The following ZBTB20 variants were observed in gnomAD, a reference collection of about 807,000 sequenced individuals.
The protein encoded by ZBTB20 is zinc finger and BTB domain-containing protein 20.
ZBTB20 carries 9 observed loss-of-function variants against 56.9 expected under a neutral mutation model. The observed-to-expected ratio is 0.16, with a 90% CI of 0.10 to 0.28. The LOEUF (loss-of-function observed/expected upper bound fraction) is 0.28. Among genes scored for constraint, ZBTB20 ranks in the 10% least tolerant of loss-of-function variants. The pLI is 1.00. For synonymous variants in ZBTB20, 417 were observed against 420.7 expected (o/e 0.99, Z 0.11); for missense variants, 655 against 1,003.0 (o/e 0.65, Z 4.69).
intron 6 of ZBTB20, among the ~76,000 whole-genome samples, chr3:114,552,424 T>C (rs1250397378): frequency 6.7e-6 from 1 of 149,962 alleles, no homozygotes; most frequent in Non-Finnish European, 1.5e-5. Context: ...ACTTGACTCT[T>C]CCTGTTTTTT....
At chr3:114,733,298 A>G (rs923134120) in intron 5 of ZBTB20, among the ~76,000 whole-genome samples, 1 of 152,172 alleles carries the variant, frequency 6.6e-6, no homozygotes, top group African/African-American at 2.4e-5. Context: ...TAGTTCTCCA[A>G]TGCCTAAGCC....
At chr3:114,873,349 G>A (rs2107548685) in intron 4 of ZBTB20, among the ~76,000 whole-genome samples, 1 of 152,250 alleles carries the variant, frequency 6.6e-6, no homozygotes, top group Admixed American at 6.5e-5. Flanking sequence ...GTGAATGTGT[G>A]TAAAGTGGGT....
chr3:114,455,105 AGT>A (rs2091930134), intron 7 of ZBTB20, among the ~76,000 whole-genome samples: 1 of 149,698 alleles, frequency 6.7e-6, no homozygotes, highest in South Asian at 2.1e-4. Context: ...GGAGAGAGAG[AGT>A]GTGTGAGAAA....
intron 6 of ZBTB20, among the ~76,000 whole-genome samples, chr3:114,511,295 T>C (rs1435139479): frequency 6.6e-6 from 1 of 152,158 alleles, no homozygotes; most frequent in Non-Finnish European, 1.5e-5. Flanking sequence ...TGTAAGAAGC[T>C]TTCAAAAGAA....
chr3:114,682,301 G>A (rs557997480), intron 6 of ZBTB20, among the ~76,000 whole-genome samples: 59 of 152,234 alleles, frequency 3.9e-4, no homozygotes, highest in African/African-American at 1.3e-3. Flanking sequence ...ACTTCTAGAC[G>A]ATTGTGGGGA....
intron 6 of ZBTB20, among the ~76,000 whole-genome samples, chr3:114,691,716 T>C (rs2062708358): frequency 6.6e-6 from 1 of 152,068 alleles, no homozygotes; most frequent in South Asian, 2.1e-4. Context: ...GATAACATCA[T>C]GTTTTAAAAA....
At chr3:114,461,848 A>G (rs1445202915) in intron 7 of ZBTB20, among the ~76,000 whole-genome samples, 1 of 152,216 alleles carries the variant, frequency 6.6e-6, no homozygotes, top group African/African-American at 2.4e-5. Flanking sequence ...TCTAAAGCCT[A>G]GCTGAGAACA....
In ZBTB20 at chr3:114,583,443, C is replaced by T. The variant is rs1025538383; in HGVS notation, c.-294-83052G>A. 2.0e-5 allele frequency among the ~76,000 whole-genome samples: 3 copies of T among 151,524 alleles called. No individual in the cohort carries two copies. The East Asian group carries it at 5.8e-4, about 29-fold the overall frequency. On this transcript the variant is annotated intron_variant, in intron 6 of 11. Coordinates refer to ENST00000675478, the MANE Select transcript of ZBTB20 (RefSeq NM_001348800.3). Reference sequence around the variant, plus strand: ...TTTTGACTTAGTGTTTTGTTGAAACCAACAATTACAAGGACCAACTCAAAC... The same window carrying T: ...TTTTGACTTAGTGTTTTGTTGAAACTAACAATTACAAGGACCAACTCAAAC...
At chr3:114,870,929 C>T (rs1487463205) in intron 4 of ZBTB20, among the ~76,000 whole-genome samples, 1 of 152,026 alleles carries the variant, frequency 6.6e-6, no homozygotes, top group Non-Finnish European at 1.5e-5. Context: ...GAAATTTTGT[C>T]ACTTTTGAGT....
intron 6 of ZBTB20, among the ~76,000 whole-genome samples, chr3:114,664,315 C>T (rs189192538): frequency 6.6e-6 from 1 of 152,088 alleles, no homozygotes; most frequent in Non-Finnish European, 1.5e-5. Flanking sequence ...AAAATCACTA[C>T]TATACTTTAG....
rs142934747 is a variant in ZBTB20 at position 114,813,776 on chromosome 3, T to C, written c.-416-12602A>G. 2.5e-4 allele frequency among the ~76,000 whole-genome samples: 38 copies of C among 152,214 alleles called. No homozygotes were observed. In the East Asian group the frequency reaches 7.1e-3, roughly 29 times the overall value. ...AAATAATAACAATAACAAAAAATAG[T>C]TGTATTTCAAGTAATATAATCTAGA... On this transcript the variant is annotated intron_variant, in intron 4 of 11. Coordinates refer to ENST00000675478, the MANE Select transcript of ZBTB20 (RefSeq NM_001348800.3).
intron 2 of ZBTB20, among the ~76,000 whole-genome samples, 173 bp from the exon 3 acceptor site, chr3:114,974,589 G>A (rs1208831567): frequency 1.3e-5 from 2 of 152,234 alleles, no homozygotes; most frequent in East Asian, 1.9e-4. Context: ...TCAGTAAAAC[G>A]TGGCCCAAAT....
At chr3:114,843,837 C>T (rs145720313) in intron 4 of ZBTB20, among the ~76,000 whole-genome samples, 5,797 of 96,966 alleles carry the variant, frequency 0.06, 312 homozygotes, top group African/African-American at 0.15. Context: ...CCATCACACC[C>T]GGCTAATTTT....
At chr3:114,852,555 C>T (rs551008751) in intron 4 of ZBTB20, among the ~76,000 whole-genome samples, 6 of 152,222 alleles carry the variant, frequency 3.9e-5, no homozygotes, top group Non-Finnish European at 7.4e-5. Flanking sequence ...TGAGCCACAC[C>T]GTACCTGGCC....
At chr3:114,432,421 G>T (rs930891486) in intron 7 of ZBTB20, among the ~76,000 whole-genome samples, 1 of 152,214 alleles carries the variant, frequency 6.6e-6, no homozygotes, top group Non-Finnish European at 1.5e-5. Flanking sequence ...AACACCATGT[G>T]TTGAGAAGAA....
intron 7 of ZBTB20, among the ~76,000 whole-genome samples, chr3:114,431,163 A>G (rs2090092413): frequency 6.6e-6 from 1 of 152,152 alleles, no homozygotes; most frequent in Non-Finnish European, 1.5e-5. Context: ...AGAAGGAGGA[A>G]GGATAGGAAG....
chr3:114,613,423 C>A (rs1331899403), intron 6 of ZBTB20, among the ~76,000 whole-genome samples: 1 of 152,148 alleles, frequency 6.6e-6, no homozygotes, highest in Admixed American at 6.5e-5. Context: ...TAGTAGTAGA[C>A]TGATCTATAG....
chr3:115,088,660 T>G (rs989501195), intron 1 of ZBTB20, among the ~76,000 whole-genome samples: 3 of 151,842 alleles, frequency 2.0e-5, no homozygotes, highest in Admixed American at 1.3e-4. Context: ...AAGTGAGAAA[T>G]TGTACAAGTT....
chr3:114,374,112 C>T (rs571465946), intron 10 of ZBTB20, among the ~76,000 whole-genome samples: 20 of 151,976 alleles, frequency 1.3e-4, no homozygotes, highest in Non-Finnish European at 2.2e-4. Flanking sequence ...TAAAAGGTAA[C>T]GAAAAAATTC....
Sources: allele counts gnomAD v4.1 joint callset (sites outside exome capture counted in the v4.1 genomes callset), GRCh38; gene constraint gnomAD v4.1.1; transcripts MANE v1.5; gene names NCBI Gene and HGNC (gene_info 2026-07-23, HGNC 2026-07-21).